Variants in ATL2 observed in about 807,000 individuals in gnomAD.
ATL2 encodes atlastin GTPase 2, also known as atlastin-2.
A neutral mutation model predicts 73.9 loss-of-function variants in ATL2; 31 were observed. That is an observed-to-expected ratio of 0.42 (90% CI 0.32 to 0.57). The LOEUF (loss-of-function observed/expected upper bound fraction) is 0.57, where lower values mean the gene tolerates loss of function less well. Ranked by LOEUF, ATL2 falls within the 20% of genes least tolerant of loss-of-function variation. The pLI, the probability that ATL2 is intolerant of heterozygous loss-of-function variation, is 0.14. For synonymous variants in ATL2, 291 were observed against 237.5 expected (o/e 1.23, Z -2.07); for missense variants, 738 against 702.6 (o/e 1.05, Z -0.57).
chr2:38,306,883 G>C (rs1449845345), intron 9 of ATL2, among the ~76,000 whole-genome samples: 1 of 152,184 alleles, frequency 6.6e-6, no homozygotes, highest in Non-Finnish European at 1.5e-5. Context: ...CACAGTACTG[G>C]AAGTTGTACT....
At chr2:38,369,878 G>T (rs1444578879) in intron 1 of ATL2, among the ~76,000 whole-genome samples, 2 of 151,580 alleles carry the variant, frequency 1.3e-5, no homozygotes, top group African/African-American at 2.4e-5. Flanking sequence ...AAAGCCGGGC[G>T]CGGTGGCTCA....
intron 1 of ATL2, among the ~76,000 whole-genome samples, chr2:38,368,035 C>T (rs562751695): frequency 6.6e-6 from 1 of 151,066 alleles, no homozygotes; most frequent in Non-Finnish European, 1.5e-5. Context: ...TCCGGGTTCA[C>T]ACCATTCTCC....
At chr2:38,319,542 T>G (rs1164566638) in intron 2 of ATL2, among the ~76,000 whole-genome samples, 2 of 149,770 alleles carry the variant, frequency 1.3e-5, no homozygotes, top group South Asian at 4.2e-4. Flanking sequence ...GAGGCTACAG[T>G]GAGCTGAGAT....
intron 9 of ATL2, among the ~76,000 whole-genome samples, 176 bp downstream of exon 9, chr2:38,309,203 T>C (rs770364388): frequency 6.6e-6 from 1 of 152,156 alleles, no homozygotes; most frequent in African/African-American, 2.4e-5. Context: ...AGAAATCTGC[T>C]ATAATCTTTT....
chr2:38,316,724 T>C (rs1668043859), intron 4 of ATL2, among the ~76,000 whole-genome samples: 1 of 152,200 alleles, frequency 6.6e-6, no homozygotes, highest in African/African-American at 2.4e-5. Context: ...AAAACTCATT[T>C]TACAGACAAC....
At chr2:38,372,936 T>A (rs1369275177) in intron 1 of ATL2, among the ~76,000 whole-genome samples, 1 of 152,166 alleles carries the variant, frequency 6.6e-6, no homozygotes, top group Admixed American at 6.6e-5. Context: ...AGGAAAAAAT[T>A]ATAACTTTTT....
chr2:38,335,812 C>G (rs1404277830), intron 2 of ATL2, among the ~76,000 whole-genome samples: 1 of 152,288 alleles, frequency 6.6e-6, no homozygotes, highest in East Asian at 1.9e-4. Context: ...GAGGCTGACA[C>G]AGGCAGACAA....
chr2:38,365,882 G>C (rs943703395), intron 1 of ATL2, among the ~76,000 whole-genome samples: 1 of 152,020 alleles, frequency 6.6e-6, no homozygotes, highest in Admixed American at 6.6e-5. Context: ...GGGAAGCAGA[G>C]GTTGCAGTGA....
At chr2:38,319,085 C>A in intron 2 of ATL2, 66 bp from the exon 3 acceptor site, 1 of 1,523,294 alleles carries the variant, frequency 6.6e-7, no homozygotes, top group Admixed American at 2.0e-5. Context: ...CAAAAAATCA[C>A]CCATTCTTTA....
At chr2:38,364,154 C>CA (rs1464793942) in intron 1 of ATL2, among the ~76,000 whole-genome samples, 6 of 152,036 alleles carry the variant, frequency 3.9e-5, no homozygotes, top group Non-Finnish European at 8.8e-5. Flanking sequence ...ACCAGCTACT[C>CA]AGGAGGCTGA....
chr2:38,312,462 G>C (rs1667806868), intron 7 of ATL2, among the ~76,000 whole-genome samples: 1 of 152,160 alleles, frequency 6.6e-6, no homozygotes, highest in Non-Finnish European at 1.5e-5. Context: ...TGTAATCCCA[G>C]CACTTTGGGA....
chr2:38,310,546 C>T (rs1573449118), intron 7 of ATL2, 99 bp from the exon 8 acceptor site: 1 of 1,008,070 alleles, frequency 9.9e-7, no homozygotes, highest in Middle Eastern at 2.7e-4. Flanking sequence ...GCACACTTAA[C>T]TCAGATGGTA....
chr2:38,315,755 C>T (rs1010940243), intron 4 of ATL2, among the ~76,000 whole-genome samples: 5 of 152,068 alleles, frequency 3.3e-5, no homozygotes, highest in African/African-American at 1.2e-4. Context: ...TAAATTCTTC[C>T]CTGGTACAAT....
intron 8 of ATL2, 52 bp from the exon 9 acceptor site, chr2:38,309,558 C>A: frequency 6.5e-7 from 1 of 1,538,088 alleles, no homozygotes; most frequent in Non-Finnish European, 8.8e-7. Context: ...ATTAGGTCCC[C>A]ACTGGTACGA....
intron 2 of ATL2, among the ~76,000 whole-genome samples, chr2:38,332,202 G>C (rs534494307): frequency 4.2e-4 from 64 of 152,194 alleles, no homozygotes; most frequent in African/African-American, 1.4e-3. Flanking sequence ...TTCATTTTGA[G>C]ATGATGGAAA....
chr2:38,313,402 G>C (rs1410747283), intron 6 of ATL2, among the ~76,000 whole-genome samples, 159 bp from the exon 7 acceptor site: 2 of 152,072 alleles, frequency 1.3e-5, no homozygotes, highest in African/African-American at 4.8e-5. Context: ...TTATATCAAG[G>C]ACCCACTTAA....
At position 38,294,381 on chromosome 2, in the gene ATL2, T is replaced by C. The variant is rs1666771940; in HGVS notation, c.*1613A>G. ...GGCTAAAACGGTGAAACCCCATCTC[T>C]ACTTAAAATAGAAAACATTAGCCGG... On this transcript the variant is annotated 3_prime_UTR_variant, in exon 13 of 13. Coordinates refer to ENST00000378954, the MANE Select transcript of ATL2 (RefSeq NM_001135673.4). 2.6e-5 allele frequency among the ~76,000 whole-genome samples: 4 copies of C among 152,194 alleles called. No homozygotes were observed. Among genetic ancestry groups the C allele is most frequent in the African/African-American group, 7.2e-5 (3 of 41,456 alleles).
At position 38,319,607 on chromosome 2, in the gene ATL2, A is replaced by G. The variant is rs996492825; in HGVS notation, c.364-588T>C. ...GAGTGAGATCCTGCCTCAAAAACAA[A>G]AAAAAAAAAGAGAGAGAGAGAGAGA... On this transcript the variant is annotated intron_variant, in intron 2 of 12. Coordinates refer to ENST00000378954, the MANE Select transcript of ATL2 (RefSeq NM_001135673.4). Among the ~76,000 whole-genome samples, 3 of 146,834 alleles carry G rather than the reference A, an allele frequency of 2.0e-5. No individual in the cohort carries two copies. In the East Asian group the frequency reaches 5.8e-4, roughly 28 times the overall value.
chr2:38,377,209 A>T lies in ATL2; in HGVS notation c.52T>A (p.Trp18Arg), dbSNP rs3731847. 1.0e-5 allele frequency: 16 copies of T among 1,607,316 alleles called. No individual in the cohort carries two copies. The South Asian group carries it at 1.5e-4, about 16-fold the overall frequency. Reference sequence around the variant, plus strand: ...GGGTCGCTGGTCCGTCGCCGGCGCCACAGCCCCTGGTGCGGTTGCTGCCCT... The same window carrying T: ...GGGTCGCTGGTCCGTCGCCGGCGCCTCAGCCCCTGGTGCGGTTGCTGCCCT... The part of the protein sequence containing the change: ...ARGQQPHQGL[W>R]RRRRTSDPSA... The change falls in exon 1 of 13, where the codon TGG (tryptophan) becomes AGG (arginine). Residue 18 changes from tryptophan to arginine, a missense_variant. Coordinates refer to ENST00000378954, the MANE Select transcript of ATL2 (RefSeq NM_001135673.4).
Sources: allele counts gnomAD v4.1 joint callset (sites outside exome capture counted in the v4.1 genomes callset), GRCh38; gene constraint gnomAD v4.1.1; transcripts MANE v1.5; gene names NCBI Gene and HGNC (gene_info 2026-07-23, HGNC 2026-07-21).